Variants in SEC63 observed in about 807,000 individuals in gnomAD.
SEC63 encodes the protein SEC63 protein translocation regulator, also known as translocation protein SEC63 homolog.
SEC63 carries 56 observed loss-of-function variants against 116.2 expected under a neutral mutation model. The ratio of observed to expected loss-of-function variants is 0.48; its 90% CI spans 0.39 to 0.60. The LOEUF (loss-of-function observed/expected upper bound fraction) is 0.60. SEC63 is among the 20% of genes least tolerant of loss of function. SEC63 has a pLI of 0.00. For synonymous variants in SEC63, 273 were observed against 294.6 expected (o/e 0.93, Z 0.75); for missense variants, 668 against 900.0 (o/e 0.74, Z 3.30).
chr6:107,888,913 A>G (rs1452043058), intron 16 of SEC63, among the ~76,000 whole-genome samples: 2 of 152,210 alleles, frequency 1.3e-5, no homozygotes, highest in African/African-American at 4.8e-5. Context: ...CATATGTTGA[A>G]CCAGCCTTGC....
At chr6:107,918,245 CAA>C (rs34044690) in intron 4 of SEC63, among the ~76,000 whole-genome samples, 88 of 146,986 alleles carry the variant, frequency 6.0e-4, no homozygotes, top group Middle Eastern at 3.5e-3. Context: ...GAGACCTGCT[CAA>C]AAAAAAAAAA....
intron 16 of SEC63, among the ~76,000 whole-genome samples, chr6:107,887,471 C>A (rs1314279680): frequency 6.8e-6 from 1 of 146,940 alleles, no homozygotes. Context: ...AATTGGAAAT[C>A]ATCATTCTCA....
intron 2 of SEC63, among the ~76,000 whole-genome samples, chr6:107,927,237 T>C (rs1334024748): frequency 6.6e-6 from 1 of 152,140 alleles, no homozygotes; most frequent in Admixed American, 6.5e-5. Context: ...TAATTTTTTG[T>C]ATTTTTTTAG....
chr6:107,904,795 A>C (rs1787106431), intron 10 of SEC63, 74 bp from the exon 11 acceptor site: 3 of 1,066,052 alleles, frequency 2.8e-6, no homozygotes. Flanking sequence ...CTGTGGCCCA[A>C]AACTAATATT....
chr6:107,954,481 T>TAAAAAAAAAAAAAAAAAAAAAA (rs1562345005), intron 1 of SEC63: 1 of 13,994 alleles, frequency 7.1e-5, no homozygotes, highest in Non-Finnish European at 1.3e-4. Flanking sequence ...AAAAAAAAAA[T>TAAAAAAAAAAAAAAAAAAAAAA]CAAAAAAAAA....
intron 1 of SEC63, among the ~76,000 whole-genome samples, chr6:107,952,030 C>T (rs1770589778): frequency 1.3e-5 from 2 of 151,544 alleles, no homozygotes; most frequent in African/African-American, 2.4e-5. Context: ...GGTTAAGAAT[C>T]ACTATGCCAA....
At chr6:107,881,004 C>T (rs1562314000) in intron 18 of SEC63, 145 bp downstream of exon 18, 3 of 664,334 alleles carry the variant, frequency 4.5e-6, no homozygotes, top group Non-Finnish European at 5.5e-6. Flanking sequence ...TTGTAATATT[C>T]CCTTTTAAAA....
At chr6:107,879,709 T>TAAAAAAAAAAA (rs1786366934) in intron 18 of SEC63, among the ~76,000 whole-genome samples, 1 of 144,970 alleles carries the variant, frequency 6.9e-6, no homozygotes. Flanking sequence ...ATTTTGCTGA[T>TAAAAAAAAAAA]AAAATGATTT....
At chr6:107,921,946 TAGCAAAAATA>T (rs1787568133) in intron 3 of SEC63, 37 bp from the exon 4 acceptor site, 3 of 1,213,188 alleles carry the variant, frequency 2.5e-6, no homozygotes, top group Non-Finnish European at 3.6e-6. Context: ...AGCTTTCTGT[TAGCAAAAATA>T]AGCACAATTC....
intron 18 of SEC63, 25 bp from the exon 19 acceptor site, chr6:107,876,687 A>AAAAG (rs1786282078): frequency 3.5e-6 from 5 of 1,429,100 alleles, no homozygotes; most frequent in African/African-American, 1.4e-5. Context: ...AAAAAAAAAA[A>AAAAG]AAGAAGAGGG....
intron 1 of SEC63, among the ~76,000 whole-genome samples, chr6:107,935,184 C>T (rs183989052): frequency 1.2e-4 from 18 of 148,162 alleles, no homozygotes; most frequent in Admixed American, 1.0e-3. Flanking sequence ...GTCAGCCCCC[C>T]GCCCGGCCAG....
At chr6:107,872,227 G>C (rs1020691037) in intron 20 of SEC63, among the ~76,000 whole-genome samples, 1 of 152,118 alleles carries the variant, frequency 6.6e-6, no homozygotes, top group Admixed American at 6.5e-5. Flanking sequence ...CTAGACTTGT[G>C]ATGTAAAATT....
At chr6:107,957,477 G>A (rs966330955) in intron 1 of SEC63, 6 of 155,680 alleles carry the variant, frequency 3.9e-5, no homozygotes, top group Non-Finnish European at 8.5e-5. Context: ...GGGGATGAGG[G>A]CCGCGAACTG....
intron 16 of SEC63, among the ~76,000 whole-genome samples, chr6:107,891,690 G>A (rs535448774): frequency 5.4e-4 from 83 of 152,298 alleles, no homozygotes; most frequent in Admixed American, 4.9e-3. Flanking sequence ...CCCCATCTGC[G>A]TGGATTTATC....
chr6:107,957,652 T>C (rs1042117769), intron 1 of SEC63: 1 of 341,398 alleles, frequency 2.9e-6, no homozygotes, highest in Non-Finnish European at 5.2e-6. Flanking sequence ...TCCACAACAA[T>C]GGAGAAGATG....
At chr6:107,918,765 C>G (rs931621767) in intron 4 of SEC63, among the ~76,000 whole-genome samples, 11 of 151,458 alleles carry the variant, frequency 7.3e-5, no homozygotes, top group Admixed American at 5.9e-4. Context: ...CACAGTGATA[C>G]CTCTGATGGA....
intron 16 of SEC63, among the ~76,000 whole-genome samples, chr6:107,885,628 G>A (rs1786510081): frequency 6.6e-6 from 1 of 152,150 alleles, no homozygotes; most frequent in South Asian, 2.1e-4. Flanking sequence ...GCAGCTTTTT[G>A]GGGGGAAAAT....
chr6:107,953,859 C>A (rs1043731530), intron 1 of SEC63, among the ~76,000 whole-genome samples: 1 of 142,180 alleles, frequency 7.0e-6, no homozygotes, highest in African/African-American at 2.7e-5. Flanking sequence ...GTCAGCCCCC[C>A]GCCCGGCCAG....
chr6:107,887,279 C>G (rs908479681), intron 16 of SEC63, among the ~76,000 whole-genome samples: 7 of 146,122 alleles, frequency 4.8e-5, no homozygotes, highest in East Asian at 2.0e-4. Context: ...AATCATGCTG[C>G]TATAAAGACA....
Sources: gnomAD v4.1 joint callset for allele counts (sites outside exome capture counted in the v4.1 genomes callset) on GRCh38, gnomAD v4.1.1 for gene constraint, MANE v1.5 for transcripts, NCBI Gene and HGNC (gene_info 2026-07-23, HGNC 2026-07-21) for gene names.